The following GLIS3 variants were observed in gnomAD, a reference collection of about 807,000 sequenced individuals.
GLIS3 encodes zinc finger protein GLIS3.
Under a neutral mutation model 78.6 loss-of-function variants are expected in GLIS3, and 53 were observed. The observed-to-expected ratio is 0.67, with a 90% CI of 0.54 to 0.85. GLIS3 has a LOEUF of 0.85. Ranked by LOEUF, GLIS3 falls within the 40% of genes least tolerant of loss-of-function variation. The pLI, the probability that GLIS3 is intolerant of heterozygous loss-of-function variation, is 0.00. For missense variants in GLIS3, 1,703 were observed against 1,231.1 expected (o/e 1.38, Z -5.74); for synonymous variants, 684 against 509.9 (o/e 1.34, Z -4.60).
intron 2 of GLIS3, among the ~76,000 whole-genome samples, chr9:4,219,685 G>T (rs918599309): frequency 1.3e-5 from 2 of 152,060 alleles, no homozygotes; most frequent in Admixed American, 1.3e-4. Flanking sequence ...ATCTTTCAAT[G>T]AAAAAAACAT....
intron 4 of GLIS3, among the ~76,000 whole-genome samples, chr9:4,060,798 C>T (rs146819989): frequency 6.6e-6 from 1 of 152,176 alleles, no homozygotes; most frequent in Admixed American, 6.5e-5. Flanking sequence ...TAATAAGCAA[C>T]AGAAAAATGG....
At chr9:4,397,238 G>C in the GLIS3 span, among the ~76,000 whole-genome samples, 4 of 146,440 alleles carry the variant, frequency 2.7e-5, no homozygotes, top group African/African-American at 7.8e-5. Flanking sequence ...TTTTAGCCGG[G>C]ATGGTCTCGA....
chr9:4,410,640 T>A, the GLIS3 span, among the ~76,000 whole-genome samples: 4 of 152,228 alleles, frequency 2.6e-5, no homozygotes, highest in Admixed American at 6.5e-5. Flanking sequence ...TTGTTTTGCA[T>A]AAATGGATGC....
intron 8 of GLIS3, among the ~76,000 whole-genome samples, chr9:3,873,136 C>T (rs747018175): frequency 2.6e-4 from 40 of 152,140 alleles, no homozygotes; most frequent in Non-Finnish European, 5.1e-4. Flanking sequence ...GATAGATTCA[C>T]AGCAAAATTC....
chr9:3,966,745 G>A lies in GLIS3; in HGVS notation c.1711-29556C>T, dbSNP rs571624010. Reference sequence around the variant, plus strand: ...GGGAGGTGGTGTGAGCTGAGATCGCGCCACTGCACTCCAGCCTGGGTGACA... The same window carrying A: ...GGGAGGTGGTGTGAGCTGAGATCGCACCACTGCACTCCAGCCTGGGTGACA... On this transcript the variant is annotated intron_variant, in intron 4 of 10. Transcript: ENST00000381971. Among the ~76,000 whole-genome samples, 18 of 150,944 alleles carry A rather than the reference G, an allele frequency of 1.2e-4. No individual in the cohort carries two copies. In the East Asian group the frequency reaches 1.6e-3, roughly 13 times the overall value.
intron 2 of GLIS3, among the ~76,000 whole-genome samples, chr9:4,254,851 A>G (rs1280678621): frequency 2.0e-5 from 3 of 151,984 alleles, no homozygotes; most frequent in African/African-American, 7.2e-5. Flanking sequence ...AAAAAAAAAA[A>G]AAAAGAAAAA....
intron 2 of GLIS3, among the ~76,000 whole-genome samples, chr9:4,319,928 G>C (rs1355204843): frequency 1.3e-5 from 2 of 152,014 alleles, no homozygotes; most frequent in Non-Finnish European, 2.9e-5. Context: ...ATGGCTCACA[G>C]ATTTGTTTTG....
intron 2 of GLIS3, among the ~76,000 whole-genome samples, chr9:4,312,834 A>G (rs1817385409): frequency 6.6e-6 from 1 of 152,216 alleles, no homozygotes; most frequent in South Asian, 2.1e-4. Flanking sequence ...ACTCATCCAT[A>G]GGAAAAGCTA....
chr9:4,251,093 G>A (rs1258038552), intron 2 of GLIS3, among the ~76,000 whole-genome samples: 1 of 152,176 alleles, frequency 6.6e-6, no homozygotes, highest in South Asian at 2.1e-4. Context: ...TTGATTTGAG[G>A]TGGAGAGTTC....
intron 4 of GLIS3, among the ~76,000 whole-genome samples, chr9:4,049,993 G>A (rs1233142811): frequency 1.3e-5 from 2 of 152,138 alleles, no homozygotes; most frequent in East Asian, 3.9e-4. Flanking sequence ...CTTTTACACT[G>A]TTGGTGGGAC....
At chr9:4,370,722 A>G in the GLIS3 span, among the ~76,000 whole-genome samples, 1 of 151,444 alleles carries the variant, frequency 6.6e-6, no homozygotes, top group African/African-American at 2.4e-5. Context: ...ATTATTTTTA[A>G]TTAATTAAAT....
At chr9:4,433,396 C>T in the GLIS3 span, among the ~76,000 whole-genome samples, 1 of 152,126 alleles carries the variant, frequency 6.6e-6, no homozygotes. Context: ...CGCACCACTT[C>T]ACTCCAGCCT....
At chr9:4,087,462 C>A (rs537031174) in intron 4 of GLIS3, among the ~76,000 whole-genome samples, 3 of 152,226 alleles carry the variant, frequency 2.0e-5, no homozygotes, top group South Asian at 2.1e-4. Context: ...GGAAAACAAT[C>A]GGCAATTTCC....
chr9:4,339,005 G>A (rs1177810144), intron 2 of GLIS3, among the ~76,000 whole-genome samples: 1 of 152,184 alleles, frequency 6.6e-6, no homozygotes, highest in Non-Finnish European at 1.5e-5. Flanking sequence ...TTAAAACTAT[G>A]TTGAAAAGCG....
intron 9 of GLIS3, among the ~76,000 whole-genome samples, chr9:3,838,014 T>G (rs1464265113): frequency 2.7e-5 from 4 of 150,162 alleles, no homozygotes; most frequent in Non-Finnish European, 3.0e-5. Context: ...GGGAGGAGGG[T>G]GTGTGGGAAC....
the GLIS3 span, among the ~76,000 whole-genome samples, chr9:4,490,071 C>T: frequency 1.3e-5 from 2 of 152,224 alleles, no homozygotes; most frequent in East Asian, 1.9e-4. Context: ...AAAGGGCACC[C>T]GTTCTGCAGG....
intron 9 of GLIS3, among the ~76,000 whole-genome samples, chr9:3,831,101 A>G (rs1391644094): frequency 6.6e-6 from 1 of 152,228 alleles, no homozygotes. Flanking sequence ...AAACAAAATA[A>G]TATCCTTTAT....
intron 4 of GLIS3, among the ~76,000 whole-genome samples, chr9:3,955,573 T>C (rs1817045976): frequency 6.6e-6 from 1 of 152,028 alleles, no homozygotes; most frequent in South Asian, 2.1e-4. Context: ...TCATGAGCAG[T>C]AGTTATGGTT....
intron 2 of GLIS3, among the ~76,000 whole-genome samples, chr9:4,343,446 T>C (rs750050190): frequency 1.9e-4 from 29 of 152,212 alleles, no homozygotes; most frequent in African/African-American, 2.4e-5. Flanking sequence ...GAAAAAGGAA[T>C]GCTTATACAC....
Sources: allele counts gnomAD v4.1 joint callset (sites outside exome capture counted in the v4.1 genomes callset), GRCh38; gene constraint gnomAD v4.1.1; transcripts MANE v1.5; gene names NCBI Gene and HGNC (gene_info 2026-07-23, HGNC 2026-07-21).